The following MYO1E variants were observed in gnomAD, a reference collection of about 807,000 sequenced individuals.
The protein encoded by MYO1E is unconventional myosin-Ie.
In MYO1E, 68 loss-of-function variants were observed where a neutral mutation model predicts 151.1. That is an observed-to-expected ratio of 0.45 (90% CI 0.37 to 0.55). The LOEUF is 0.55. Ranked by LOEUF, MYO1E falls within the 20% of genes least tolerant of loss-of-function variation. MYO1E has a pLI of 0.00. For missense variants in MYO1E, 1,363 were observed against 1,389.3 expected (o/e 0.98, Z 0.30); for synonymous variants, 601 against 501.7 (o/e 1.20, Z -2.64).
intron 1 of MYO1E, among the ~76,000 whole-genome samples, chr15:59,359,047 CACAA>C (rs2080870615): frequency 6.6e-6 from 1 of 151,976 alleles, no homozygotes; most frequent in South Asian, 2.1e-4. Context: ...TGAATATGGA[CACAA>C]ACAATTTCAT....
At chr15:59,236,437 C>T (rs1178558161) in intron 5 of MYO1E, 148 bp downstream of exon 5, 8 of 560,208 alleles carry the variant, frequency 1.4e-5, no homozygotes, top group African/African-American at 5.7e-5. Context: ...CATACATATG[C>T]TATTCCTTTC....
At chr15:59,287,135 T>A (rs2080392104) in intron 1 of MYO1E, among the ~76,000 whole-genome samples, 2 of 152,154 alleles carry the variant, frequency 1.3e-5, no homozygotes, top group Non-Finnish European at 2.9e-5. Context: ...AGGAGTGGGC[T>A]TGGGGAACTT....
At chr15:59,369,764 T>C (rs868612451) in intron 1 of MYO1E, among the ~76,000 whole-genome samples, 1 of 152,140 alleles carries the variant, frequency 6.6e-6, no homozygotes, top group Non-Finnish European at 1.5e-5. Context: ...GTACACTGTG[T>C]TCATGAGTCA....
chr15:59,343,210 C>T (rs2080775327), intron 1 of MYO1E, among the ~76,000 whole-genome samples: 1 of 152,024 alleles, frequency 6.6e-6, no homozygotes, highest in South Asian at 2.1e-4. Flanking sequence ...TGATAAATCC[C>T]TCAGCTTTTG....
chr15:59,325,640 T>G (rs12595769), intron 1 of MYO1E, among the ~76,000 whole-genome samples: 22,409 of 152,254 alleles, frequency 0.15, 1,860 homozygotes, highest in East Asian at 0.25. Context: ...ACTAAGATTT[T>G]TAAAAATTAA....
At chr15:59,235,929 A>G (rs771218469) in intron 5 of MYO1E, among the ~76,000 whole-genome samples, 2 of 152,200 alleles carry the variant, frequency 1.3e-5, no homozygotes, top group Non-Finnish European at 2.9e-5. Context: ...ATGATGGTGA[A>G]CATACTTTCA....
chr15:59,248,122 C>T (rs1367483437), intron 4 of MYO1E, among the ~76,000 whole-genome samples: 14 of 86,784 alleles, frequency 1.6e-4, no homozygotes, highest in African/African-American at 7.7e-4. Flanking sequence ...AATGAGACTC[C>T]GTCTCAAAAA....
At chr15:59,290,359 G>A (rs746860131) in intron 1 of MYO1E, among the ~76,000 whole-genome samples, 1 of 152,142 alleles carries the variant, frequency 6.6e-6, no homozygotes, top group Non-Finnish European at 1.5e-5. Flanking sequence ...CCTTGGCTAC[G>A]GAACAGAGCT....
intron 2 of MYO1E, among the ~76,000 whole-genome samples, chr15:59,263,323 T>C (rs906739345): frequency 2.6e-5 from 4 of 152,194 alleles, no homozygotes; most frequent in African/African-American, 2.4e-5. Context: ...AAAATAATTA[T>C]AGAACACTCA....
In MYO1E at chr15:59,144,799, C is replaced by T. The variant is rs201926946; in HGVS notation, c.3081-6432G>A. On this transcript the variant is annotated intron_variant, in intron 26 of 27. Transcript: ENST00000288235. ...TCGAAAACCCAGGCAATCTCCTCTG[C>T]GTCACTAGGTGGCAATCCTGTGTCA... 5.3e-5 allele frequency among the ~76,000 whole-genome samples: 8 copies of T among 152,290 alleles called. No homozygotes were observed. The East Asian group carries it at 1.4e-3, about 26-fold the overall frequency.
chr15:59,138,100 G>A, intron 27 of MYO1E, 98 bp downstream of exon 27: 2 of 1,452,880 alleles, frequency 1.4e-6, no homozygotes, highest in Non-Finnish European at 1.9e-6. Context: ...TGCAGTTTGA[G>A]GAGCCCATAA....
At chr15:59,139,010 T>TG (rs1272959837) in intron 26 of MYO1E, among the ~76,000 whole-genome samples, 3 of 152,088 alleles carry the variant, frequency 2.0e-5, no homozygotes, top group African/African-American at 7.2e-5. Context: ...CGCGAGTGAG[T>TG]GTGTCACAGT....
intron 5 of MYO1E, among the ~76,000 whole-genome samples, chr15:59,236,323 G>A (rs556472133): frequency 8.6e-5 from 12 of 139,644 alleles, no homozygotes; most frequent in African/African-American, 3.2e-4. Context: ...TCCAGCCTGG[G>A]CAACAGAGCA....
intron 14 of MYO1E, chr15:59,207,998 T>A: frequency 6.2e-7 from 1 of 1,613,570 alleles, no homozygotes; most frequent in Non-Finnish European, 8.5e-7. Context: ...ACCAACCTTA[T>A]AAAGATAAAG....
Position 59,261,408 on chromosome 15 carries a change from C to T in MYO1E, c.237+12G>A. 1 of 1,583,214 alleles carries T rather than the reference C, an allele frequency of 6.3e-7. No homozygotes were observed. The highest frequency in any genetic ancestry group is 8.7e-7 in the Non-Finnish European group (1 of 1,152,152). On this transcript the variant is annotated intron_variant, in intron 3 of 27. Transcript: ENST00000288235. The stretch of plus-strand genomic sequence containing the variant: ...CTAAATAAGGCAGTAATTTATGTGA[C>T]ACGTAACTTACCGCTCCTTGGTACA...
chr15:59,269,606 C>T (rs1179258527), intron 2 of MYO1E, among the ~76,000 whole-genome samples: 4 of 152,102 alleles, frequency 2.6e-5, no homozygotes, highest in Non-Finnish European at 5.9e-5. Context: ...GCCTGTAATC[C>T]CAGCACTTTG....
At chr15:59,167,726 G>C (rs1034439413) in intron 22 of MYO1E, among the ~76,000 whole-genome samples, 1 of 152,128 alleles carries the variant, frequency 6.6e-6, no homozygotes, top group Non-Finnish European at 1.5e-5. Context: ...GCCCAGGCTG[G>C]AGTGCAGTGG....
chr15:59,232,954 C>T (rs2080037386), intron 5 of MYO1E, among the ~76,000 whole-genome samples: 2 of 151,990 alleles, frequency 1.3e-5, no homozygotes, highest in South Asian at 2.1e-4. Context: ...GCCATGGCAC[C>T]AAGGGCAATT....
intron 19 of MYO1E, among the ~76,000 whole-genome samples, chr15:59,174,545 C>T (rs2140317645): frequency 6.6e-6 from 1 of 152,270 alleles, no homozygotes. Context: ...CGATTCAATG[C>T]TTCTCCACTT....
Sources: gnomAD v4.1 joint callset for allele counts (sites outside exome capture counted in the v4.1 genomes callset) on GRCh38, gnomAD v4.1.1 for gene constraint, MANE v1.5 for transcripts, NCBI Gene and HGNC (gene_info 2026-07-23, HGNC 2026-07-21) for gene names.